Variants in LRRIQ1 observed in about 807,000 individuals in gnomAD.
LRRIQ1 encodes the protein leucine-rich repeat- and IQ domain-containing protein 1.
In LRRIQ1, 210 loss-of-function variants were observed where a neutral mutation model predicts 211.9. That is an observed-to-expected ratio of 0.99 (90% CI 0.89 to 1.11). The LOEUF (loss-of-function observed/expected upper bound fraction) is 1.11. LRRIQ1 is among the 50% of genes most tolerant of loss of function. The pLI is 0.00. For synonymous variants in LRRIQ1, 699 were observed against 650.1 expected (o/e 1.08, Z -1.14); for missense variants, 2,136 against 1,939.5 (o/e 1.10, Z -1.90).
intron 21 of LRRIQ1, 138 bp from the exon 22 acceptor site, chr12:85,153,525 T>A (rs1890362261): frequency 1.6e-6 from 1 of 642,986 alleles, no homozygotes; most frequent in African/African-American, 1.9e-5. Context: ...GGCAGACTTT[T>A]ATTGCCTTTC....
At chr12:85,084,976 AT>A (rs1473106558) in intron 11 of LRRIQ1, among the ~76,000 whole-genome samples, 1 of 152,138 alleles carries the variant, frequency 6.6e-6, no homozygotes, top group East Asian at 1.9e-4. Context: ...CATTCTGGAA[AT>A]ATATTATGGT....
At chr12:85,225,493 G>A (rs1214715732) in intron 24 of LRRIQ1, among the ~76,000 whole-genome samples, 1 of 152,100 alleles carries the variant, frequency 6.6e-6, no homozygotes, top group Non-Finnish European at 1.5e-5. Context: ...TTCCTATAAT[G>A]AGTATGTATT....
rs556744977 is a variant in LRRIQ1 at position 85,056,763 on chromosome 12, T to C, written c.1970T>C (p.Ile657Thr). 25 of 1,605,796 alleles carry C rather than the reference T, an allele frequency of 1.6e-5. No homozygotes were observed. The highest frequency in any genetic ancestry group is 2.0e-5 in the Non-Finnish European group (24 of 1,177,840). Residue 657 changes from isoleucine to threonine, a missense_variant, in exon 8 of 27, where the codon ATT becomes ACT. Coordinates refer to ENST00000393217, the MANE Select transcript of LRRIQ1 (RefSeq NM_001079910.2). ...AATGCTTGGAATAGTGGCATTGTGA[T>C]TTTTAACACAACTGATACCATGATA... is the stretch of plus-strand genomic sequence containing the variant. ...KDNAWNSGIV[I>T]FNTTDTMINI...
chr12:85,200,381 G>C (rs778907674), intron 24 of LRRIQ1, among the ~76,000 whole-genome samples: 2 of 152,068 alleles, frequency 1.3e-5, no homozygotes, highest in Non-Finnish European at 2.9e-5. Context: ...AGATTCTAGG[G>C]TTTTCTAGCT....
In LRRIQ1 at chr12:85,056,850, G is replaced by T; in HGVS notation, c.2057G>T (p.Gly686Val). 1 of 1,613,330 alleles carries T rather than the reference G, an allele frequency of 6.2e-7. No individual in the cohort carries two copies. The highest frequency in any genetic ancestry group is 8.5e-7 in the Non-Finnish European group (1 of 1,179,550). The change falls in exon 8 of 27, where the codon GGC (glycine) becomes GTC (valine). Residue 686 changes from glycine to valine, a missense_variant. Transcript: ENST00000393217. ...TTAGGTAGACATGCTCCTTGTGAGG[G>T]CTTGAGTAACTATAATGCAGAAAGC... ...YVLGRHAPCEGLSNYNAESSM... is the reference protein window; with the variant it reads ...YVLGRHAPCEVLSNYNAESSM...
chr12:85,120,588 C>G (rs914497317), intron 15 of LRRIQ1, among the ~76,000 whole-genome samples: 6 of 152,266 alleles, frequency 3.9e-5, no homozygotes, highest in African/African-American at 1.4e-4. Flanking sequence ...TTTTGATTGG[C>G]AGTGAGTTTA....
At position 85,124,108 on chromosome 12, in the gene LRRIQ1, A is replaced by C; in HGVS notation, c.3596A>C (p.His1199Pro). The C allele has an allele frequency of 6.2e-7, 1 of 1,613,716 alleles. No homozygotes were observed. Among genetic ancestry groups the C allele is most frequent in the Non-Finnish European group, 8.5e-7 (1 of 1,179,708 alleles). The change falls in exon 17 of 27, where the codon CAT becomes CCT. Residue 1199 changes from histidine (H) to proline (P), a missense_variant. Coordinates refer to ENST00000393217, the MANE Select transcript of LRRIQ1 (RefSeq NM_001079910.2). Reference sequence around the variant, plus strand: ...TTGGATACTGCAGAAAATCTCTGTCATTATTTTAAGAAATTGATGATACTT... The same window carrying C: ...TTGGATACTGCAGAAAATCTCTGTCCTTATTTTAAGAAATTGATGATACTT... ...FTLDTAENLC[H>P]YFKKLMILST...
intron 24 of LRRIQ1, among the ~76,000 whole-genome samples, chr12:85,171,451 G>A (rs146785689): frequency 6.6e-6 from 1 of 151,992 alleles, no homozygotes; most frequent in African/African-American, 2.4e-5. Flanking sequence ...ACCACATCTT[G>A]GCATATCATC....
the LRRIQ1 span, among the ~76,000 whole-genome samples, chr12:85,269,899 A>C: frequency 1.3e-5 from 2 of 152,044 alleles, no homozygotes; most frequent in African/African-American, 4.8e-5. Flanking sequence ...TTCTGAGATC[A>C]GGGTGTCAGT....
chr12:85,156,312 A>G (rs1890540333), intron 23 of LRRIQ1, among the ~76,000 whole-genome samples: 1 of 151,684 alleles, frequency 6.6e-6, no homozygotes, highest in African/African-American at 2.4e-5. Context: ...TTTTCATTCT[A>G]TTTTTCATTC....
At chr12:85,037,817 T>C (rs1380259282) in intron 1 of LRRIQ1, among the ~76,000 whole-genome samples, 2 of 152,054 alleles carry the variant, frequency 1.3e-5, no homozygotes, top group Admixed American at 1.3e-4. Flanking sequence ...ACAACACATA[T>C]TACATTGCAA....
chr12:85,102,362 A>G (rs1248002059), intron 13 of LRRIQ1, among the ~76,000 whole-genome samples: 1 of 151,734 alleles, frequency 6.6e-6, no homozygotes, highest in Non-Finnish European at 1.5e-5. Flanking sequence ...GTATATGTAC[A>G]AATAATTCAG....
intron 24 of LRRIQ1, among the ~76,000 whole-genome samples, chr12:85,212,861 A>G (rs1450168258): frequency 6.6e-6 from 1 of 150,872 alleles, no homozygotes; most frequent in Non-Finnish European, 1.5e-5. Flanking sequence ...TGAGTAGGTT[A>G]AAACAATATT....
rs759933477 is a variant in LRRIQ1 at position 85,056,962 on chromosome 12, T to C, written c.2169T>C (p.Asp723=). The C allele has an allele frequency of 9.9e-6, 16 of 1,611,822 alleles. No individual in the cohort carries two copies. The East Asian group carries it at 2.9e-4, about 29-fold the overall frequency. The part of the protein sequence containing the change: ...EKCHENAPEP[D]SMTCCVSEST... ...GCCATGAAAATGCACCTGAACCTGATAGCATGACCTGCTGTGTATCAGAGT... is the reference window on the plus strand; with the variant it reads ...GCCATGAAAATGCACCTGAACCTGACAGCATGACCTGCTGTGTATCAGAGT... Residue 723 remains aspartate (D), a synonymous_variant, in exon 8 of 27, where the codon GAT becomes GAC. Coordinates refer to ENST00000393217, the MANE Select transcript of LRRIQ1 (RefSeq NM_001079910.2).
At position 85,232,679 on chromosome 12, in the gene LRRIQ1, T is replaced by C; in HGVS notation, c.4956-17T>C. 1 of 1,601,472 alleles carries C rather than the reference T, an allele frequency of 6.2e-7. No individual in the cohort carries two copies. The highest frequency in any genetic ancestry group is 8.5e-7 in the Non-Finnish European group (1 of 1,169,908). ...CATTTACATTATAAAATACTTTCTG[T>C]TTTTGTCACTATGCAGCAATCACTT... is the stretch of plus-strand genomic sequence containing the variant. On this transcript the variant is annotated splice_polypyrimidine_tract_variant and intron_variant, in intron 25 of 26. Coordinates refer to ENST00000393217, the MANE Select transcript of LRRIQ1 (RefSeq NM_001079910.2).
Position 85,127,931 on chromosome 12 carries a change from G to A in LRRIQ1, c.4107G>A (p.Leu1369=). Residue 1369 remains leucine (L), a synonymous_variant, in exon 18 of 27, where the codon CTG becomes CTA. Transcript: ENST00000393217. The stretch of plus-strand genomic sequence containing the variant: ...TACATACTGCTGCAACAGAAGGCCT[G>A]CCAAATTCTTCCATCAAGAATCAGA... The part of the protein sequence containing the change: ...TRLHTAATEG[L]PNSSIKNQTI... The A allele has an allele frequency of 6.2e-7, 1 of 1,613,910 alleles. No homozygotes were observed. The highest frequency in any genetic ancestry group is 8.5e-7 in the Non-Finnish European group (1 of 1,179,928).
intron 16 of LRRIQ1, 148 bp from the exon 17 acceptor site, chr12:85,123,922 A>C: frequency 3.3e-6 from 2 of 608,152 alleles, no homozygotes; most frequent in Non-Finnish European, 5.6e-6. Flanking sequence ...CAATTTTTAT[A>C]TAAACAACTA....
chr12:85,088,384 C>T (rs1234686454), intron 11 of LRRIQ1, among the ~76,000 whole-genome samples: 2 of 152,126 alleles, frequency 1.3e-5, no homozygotes, highest in African/African-American at 4.8e-5. Flanking sequence ...TAGCATGATG[C>T]CTCCAGCTTT....
intron 17 of LRRIQ1, among the ~76,000 whole-genome samples, chr12:85,127,320 A>G (rs1487866220): frequency 6.6e-6 from 1 of 152,224 alleles, no homozygotes; most frequent in Non-Finnish European, 1.5e-5. Flanking sequence ...TGAGTCTGTA[A>G]GAGTGTAATT....
Sources: gnomAD v4.1 joint callset for allele counts (sites outside exome capture counted in the v4.1 genomes callset) on GRCh38, gnomAD v4.1.1 for gene constraint, MANE v1.5 for transcripts, NCBI Gene and HGNC (gene_info 2026-07-23, HGNC 2026-07-21) for gene names.